The following GLI2 variants were observed in gnomAD, a reference collection of about 807,000 sequenced individuals.
GLI2 encodes the protein GLI family zinc finger 2.
A neutral mutation model predicts 78.9 loss-of-function variants in GLI2; 22 were observed. The ratio of observed to expected loss-of-function variants is 0.28; its 90% CI spans 0.20 to 0.40. GLI2 has a LOEUF of 0.40. Among genes scored for constraint, GLI2 ranks in the 10% least tolerant of loss-of-function variants. The pLI, the probability that GLI2 is intolerant of heterozygous loss-of-function variation, is 1.00. For synonymous variants in GLI2, 974 were observed against 963.7 expected (o/e 1.01, Z -0.20); for missense variants, 2,097 against 2,213.2 (o/e 0.95, Z 1.05).
intron 2 of GLI2, among the ~76,000 whole-genome samples, chr2:120,896,646 CACACACACACACACATACACCCA>C (rs1275368543): frequency 3.5e-5 from 4 of 113,026 alleles, no homozygotes; most frequent in Admixed American, 1.0e-4. Context: ...CATACACACA[CACACACACACACACATACACCCA>C]CCCCCCCACA....
chr2:120,846,307 C>G (rs950290740), intron 2 of GLI2, among the ~76,000 whole-genome samples: 4 of 152,142 alleles, frequency 2.6e-5, no homozygotes, highest in African/African-American at 9.7e-5. Flanking sequence ...GTTCTGGGCT[C>G]TCTGTTTCTG....
chr2:120,780,880 G>A (rs188330110), intron 1 of GLI2, among the ~76,000 whole-genome samples: 14 of 152,286 alleles, frequency 9.2e-5, no homozygotes, highest in Non-Finnish European at 5.9e-5. Flanking sequence ...ACAGCTTCTG[G>A]ACACCAGTGA....
At chr2:120,941,977 C>T (rs1166523867) in intron 3 of GLI2, among the ~76,000 whole-genome samples, 1 of 152,184 alleles carries the variant, frequency 6.6e-6, no homozygotes, top group African/African-American at 2.4e-5. Flanking sequence ...CTTCCTCCAC[C>T]CAGCACAGGA....
At chr2:120,857,284 A>G (rs1687688604) in intron 2 of GLI2, among the ~76,000 whole-genome samples, 1 of 151,690 alleles carries the variant, frequency 6.6e-6, no homozygotes, top group Non-Finnish European at 1.5e-5. Context: ...CATCCATTCA[A>G]CCACCCACCT....
chr2:120,980,225 C>T (rs1454829387), intron 10 of GLI2, among the ~76,000 whole-genome samples: 2 of 152,206 alleles, frequency 1.3e-5, no homozygotes, highest in Non-Finnish European at 2.9e-5. Context: ...TCCAAAAACG[C>T]TGCTCCATTT....
intron 2 of GLI2, among the ~76,000 whole-genome samples, chr2:120,837,425 T>A: frequency 6.6e-6 from 1 of 151,788 alleles, no homozygotes; most frequent in Non-Finnish European, 1.5e-5. Context: ...GTCTTAATCT[T>A]GTTTAGACAT....
At chr2:120,953,260 G>C (rs976965196) in intron 4 of GLI2, among the ~76,000 whole-genome samples, 8 of 152,176 alleles carry the variant, frequency 5.3e-5, no homozygotes, top group Non-Finnish European at 8.8e-5. Context: ...GACACACACA[G>C]AGTCACAGAG....
intron 3 of GLI2, among the ~76,000 whole-genome samples, chr2:120,940,662 A>C (rs2104914601): frequency 6.6e-6 from 1 of 152,324 alleles, no homozygotes; most frequent in South Asian, 2.1e-4. Context: ...CCAAAGCACC[A>C]GTGTGAACTA....
At position 120,989,167 on chromosome 2, in the gene GLI2, G is replaced by A; in HGVS notation, c.3202G>A (p.Val1068Met). 1 of 1,613,238 alleles carries A rather than the reference G, an allele frequency of 6.2e-7. No individual in the cohort carries two copies. The highest frequency in any genetic ancestry group is 1.1e-5 in the South Asian group (1 of 91,090). ...CGCTCTGGACGAGGGCACCGGGCAG[G>A]TGTATCCCACGGAAAGCACTGGCTT... The part of the protein sequence containing the change: ...SGALDEGTGQ[V>M]YPTESTGFSD... Residue 1068 changes from valine (V) to methionine (M), a missense_variant, in exon 14 of 14, where the codon GTG (valine) becomes ATG (methionine). Val to Met is a conservative substitution (Grantham distance 21). Coordinates refer to ENST00000361492, the MANE Select transcript of GLI2 (RefSeq NM_001374353.1).
At chr2:120,943,288 G>A (rs1355812210) in intron 3 of GLI2, among the ~76,000 whole-genome samples, 1 of 152,220 alleles carries the variant, frequency 6.6e-6, no homozygotes, top group Non-Finnish European at 1.5e-5. Flanking sequence ...ACTGGGGGAA[G>A]GGATGAAGAG....
At chr2:120,908,948 C>T (rs576179794) in intron 2 of GLI2, among the ~76,000 whole-genome samples, 24 of 152,270 alleles carry the variant, frequency 1.6e-4, no homozygotes, top group African/African-American at 5.8e-4. Flanking sequence ...AGATCACCCC[C>T]CGTCTCTGCC....
intron 2 of GLI2, among the ~76,000 whole-genome samples, chr2:120,882,015 G>A (rs1042193775): frequency 2.6e-5 from 4 of 152,080 alleles, no homozygotes; most frequent in Non-Finnish European, 4.4e-5. Context: ...CTAAGGCCCT[G>A]TAGGTTGATT....
chr2:120,880,339 C>A (rs533323323), intron 2 of GLI2, among the ~76,000 whole-genome samples: 9 of 152,174 alleles, frequency 5.9e-5, no homozygotes, highest in African/African-American at 1.9e-4. Flanking sequence ...GGGCAAACTT[C>A]ATTACTTTTC....
intron 2 of GLI2, among the ~76,000 whole-genome samples, chr2:120,870,190 T>TTCC (rs1688357104): frequency 6.6e-6 from 1 of 152,124 alleles, no homozygotes; most frequent in South Asian, 2.1e-4. Context: ...GAACTTTTCT[T>TTCC]TCCTCCTGTA....
At chr2:120,946,803 T>G (rs1400449228) in intron 3 of GLI2, among the ~76,000 whole-genome samples, 1 of 152,326 alleles carries the variant, frequency 6.6e-6, no homozygotes, top group Non-Finnish European at 1.5e-5. Flanking sequence ...CACTGGACCC[T>G]GAAGGACCTG....
At chr2:120,932,124 G>T (rs1443132197) in intron 3 of GLI2, among the ~76,000 whole-genome samples, 1 of 152,214 alleles carries the variant, frequency 6.6e-6, no homozygotes, top group Non-Finnish European at 1.5e-5. Context: ...GATGAATGTG[G>T]TTGGAGCCCG....
At chr2:120,857,357 C>T (rs916897779) in intron 2 of GLI2, among the ~76,000 whole-genome samples, 3 of 141,684 alleles carry the variant, frequency 2.1e-5, no homozygotes, top group Non-Finnish European at 4.6e-5. Context: ...ACCCACCTAC[C>T]TATCTGCCCA....
At chr2:120,893,532 C>G (rs991565753) in intron 2 of GLI2, among the ~76,000 whole-genome samples, 4 of 151,774 alleles carry the variant, frequency 2.6e-5, no homozygotes, top group African/African-American at 9.7e-5. Context: ...AATTGTAAGT[C>G]TTACATAGCT....
rs938069217 is a variant in GLI2 at position 120,807,742 on chromosome 2, C to T, written c.148+10274C>T. 5.3e-5 allele frequency among the ~76,000 whole-genome samples: 8 copies of T among 152,148 alleles called. No homozygotes were observed. The East Asian group carries it at 1.5e-3, about 29-fold the overall frequency. On this transcript the variant is annotated intron_variant, in intron 2 of 13. Transcript: ENST00000361492. ...CCTGGCACAAGCTCACATCTGAGGCCGAGTCTAGTGGCCCCTCCTAGGGTC... is the reference window on the plus strand; with the variant it reads ...CCTGGCACAAGCTCACATCTGAGGCTGAGTCTAGTGGCCCCTCCTAGGGTC...
Sources: allele counts gnomAD v4.1 joint callset (sites outside exome capture counted in the v4.1 genomes callset), GRCh38; gene constraint gnomAD v4.1.1; transcripts MANE v1.5; gene names NCBI Gene and HGNC (gene_info 2026-07-23, HGNC 2026-07-21).